Variants in ATP10A observed in about 807,000 individuals in gnomAD.
The protein encoded by ATP10A is phospholipid-transporting ATPase VA.
Under a neutral mutation model 147.8 loss-of-function variants are expected in ATP10A, and 111 were observed. The ratio of observed to expected loss-of-function variants is 0.75; its 90% CI spans 0.64 to 0.88. The LOEUF (loss-of-function observed/expected upper bound fraction) is 0.88, where lower values mean the gene tolerates loss of function less well. ATP10A is among the 40% of genes least tolerant of loss of function. The probability of loss-of-function intolerance (pLI) is 0.00; values close to 1 mark genes in which losing one functional copy is unlikely to be tolerated. For missense variants in ATP10A, 1,927 were observed against 1,959.0 expected (o/e 0.98, Z 0.31); for synonymous variants, 875 against 841.6 (o/e 1.04, Z -0.69).
intron 3 of ATP10A, among the ~76,000 whole-genome samples, chr15:25,733,710 C>T (rs1450672812): frequency 6.6e-6 from 1 of 152,184 alleles, no homozygotes; most frequent in Non-Finnish European, 1.5e-5. Context: ...GCTGGGCGCA[C>T]ACTGGCCCAG....
At chr15:25,778,126 C>G (rs1344785588) in intron 2 of ATP10A, among the ~76,000 whole-genome samples, 2 of 152,076 alleles carry the variant, frequency 1.3e-5, no homozygotes, top group Admixed American at 6.5e-5. Context: ...AATGACACAG[C>G]CCGCTCTTCT....
chr15:25,863,047 C>A lies in ATP10A; in HGVS notation c.50G>T (p.Arg17Leu), dbSNP rs932047799. 2.4e-6 allele frequency: 3 copies of A among 1,260,018 alleles called. No individual in the cohort carries two copies. The East Asian group carries it at 1.0e-4, about 42-fold the overall frequency. The allele number at this position is 1,260,018 out of a possible 1,614,324, so 78.1% of individuals were successfully genotyped here. A position where few individuals can be genotyped will look rare whatever the true frequency, so the allele number is the denominator to read the frequency against. ...GCGCGTCCTGCCCTCTCGGCGCCTC[C>A]GCCGTCCCGGAGGCCCGGGCTCCTC... ...GTEEPGPPGRRRRREGRTRTV... is the reference protein window; with the variant it reads ...GTEEPGPPGRLRRREGRTRTV... The change falls in exon 1 of 21, where the codon CGG becomes CTG. Residue 17 changes from arginine to leucine, a missense_variant. Physicochemically the swap from Arg to Leu is moderately radical, Grantham distance 102. Transcript: ENST00000555815.
At chr15:25,689,436 C>G (rs1467423610) in intron 15 of ATP10A, among the ~76,000 whole-genome samples, 2 of 152,196 alleles carry the variant, frequency 1.3e-5, no homozygotes, top group East Asian at 3.9e-4. Context: ...GTCTCCCCAC[C>G]TTGGCTGAGC....
intron 9 of ATP10A, among the ~76,000 whole-genome samples, chr15:25,715,333 C>T (rs751377276): frequency 1.6e-4 from 24 of 152,192 alleles, no homozygotes; most frequent in African/African-American, 3.1e-4. Flanking sequence ...TCGAAGGTGG[C>T]GCTCACCAAC....
chr15:25,849,758 A>T (rs1307358974), intron 1 of ATP10A, among the ~76,000 whole-genome samples: 1 of 152,180 alleles, frequency 6.6e-6, no homozygotes, highest in East Asian at 1.9e-4. Context: ...CATGCTCCCC[A>T]TGGATGTGAA....
intron 8 of ATP10A, among the ~76,000 whole-genome samples, chr15:25,717,384 G>A (rs902648473): frequency 2.0e-5 from 3 of 152,154 alleles, no homozygotes; most frequent in Admixed American, 1.3e-4. Context: ...ATTACACATT[G>A]ATAAACTTCC....
Position 25,704,481 on chromosome 15 carries a change from C to T in ATP10A, c.2576-2381G>A, listed in dbSNP as rs539426758. Among the ~76,000 whole-genome samples the T allele has an allele frequency of 3.9e-5, 6 of 152,298 alleles. No homozygotes were observed. The East Asian group carries it at 1.2e-3, about 29-fold the overall frequency. ...TGCCAAGAAAGAAAGCAGGGAAGGC[C>T]TTGCCGGAAACTCCAGTACGGAGGG... On this transcript the variant is annotated intron_variant, in intron 12 of 20. Transcript: ENST00000555815.
At chr15:25,838,863 A>C (rs1474783664) in intron 1 of ATP10A, among the ~76,000 whole-genome samples, 1 of 152,134 alleles carries the variant, frequency 6.6e-6, no homozygotes, top group African/African-American at 2.4e-5. Flanking sequence ...GTGTTTGCAG[A>C]AGCATTTCCT....
At chr15:25,749,353 G>A (rs1160057612) in intron 2 of ATP10A, among the ~76,000 whole-genome samples, 1 of 152,164 alleles carries the variant, frequency 6.6e-6, no homozygotes, top group Non-Finnish European at 1.5e-5. Flanking sequence ...GAAATAGAGG[G>A]AACTGTGTTC....
intron 3 of ATP10A, among the ~76,000 whole-genome samples, chr15:25,730,970 T>C (rs543044702): frequency 1.3e-5 from 2 of 152,314 alleles, no homozygotes; most frequent in African/African-American, 4.8e-5. Context: ...ATTTAATGCT[T>C]GGTCACTGGC....
At position 25,702,012 on chromosome 15, in the gene ATP10A, G is replaced by A; in HGVS notation, c.2664C>T (p.Leu888=). The A allele has an allele frequency of 6.2e-7, 1 of 1,614,196 alleles. No homozygotes were observed. Among genetic ancestry groups the A allele is most frequent in the Non-Finnish European group, 8.5e-7 (1 of 1,180,032 alleles). ...LRQAGLQIWV[L]TGDKQETAVN... is the part of the protein sequence containing the mutation. ...CAGCTGTTTCTTGTTTGTCACCAGT[G>A]AGAACCCAAATCTGCAGGCCCGCTT... Residue 888 remains leucine, a synonymous_variant, in exon 13 of 21, where the codon CTC becomes CTT. Coordinates refer to ENST00000555815, the MANE Select transcript of ATP10A (RefSeq NM_024490.4).
chr15:25,689,533 A>G (rs1488568009), intron 15 of ATP10A, among the ~76,000 whole-genome samples: 6 of 152,152 alleles, frequency 3.9e-5, no homozygotes, highest in Admixed American at 2.0e-4. Flanking sequence ...CCCACAGCTC[A>G]TCTCTCAAAG....
At chr15:25,674,506 G>A (rs757499831), downstream of ATP10A, among the ~76,000 whole-genome samples, 1 of 152,218 alleles carries the variant, frequency 6.6e-6, no homozygotes, top group Admixed American at 6.5e-5. Context: ...TGTGTCCCTG[G>A]CCAGGCCTCT....
chr15:25,797,382 G>A (rs1890720778), intron 1 of ATP10A, among the ~76,000 whole-genome samples: 1 of 152,206 alleles, frequency 6.6e-6, no homozygotes, highest in Non-Finnish European at 1.5e-5. Context: ...GGACAGGCTA[G>A]CCCCCTCAGA....
At chr15:25,688,732 A>T (rs1596686153) in intron 15 of ATP10A, among the ~76,000 whole-genome samples, 1 of 152,220 alleles carries the variant, frequency 6.6e-6, no homozygotes, top group African/African-American at 2.4e-5. Flanking sequence ...GTTATGCCTC[A>T]AGTGGTACGC....
intron 6 of ATP10A, among the ~76,000 whole-genome samples, chr15:25,723,175 C>A (rs760010502): frequency 5.9e-5 from 9 of 151,850 alleles, no homozygotes; most frequent in Non-Finnish European, 8.8e-5. Flanking sequence ...ATGGTGAAAC[C>A]CCATCTCTAC....
At chr15:25,687,246 G>T (rs1899739736) in intron 16 of ATP10A, among the ~76,000 whole-genome samples, 1 of 151,926 alleles carries the variant, frequency 6.6e-6, no homozygotes, top group Non-Finnish European at 1.5e-5. Flanking sequence ...CTACTCTAGA[G>T]AAAATGCTGA....
In ATP10A at chr15:25,701,961, C is replaced by T; in HGVS notation, c.2715G>A (p.Leu905=). 1 of 1,613,244 alleles carries T rather than the reference C, an allele frequency of 6.2e-7. No homozygotes were observed. The highest frequency in any genetic ancestry group is 8.5e-7 in the Non-Finnish European group (1 of 1,179,622). The change falls in exon 13 of 21, where the codon CTG becomes CTA. Residue 905 remains leucine (L), a synonymous_variant. Transcript: ENST00000555815. ...TGATGACCTCCTCGTCGTGGTCCAG[C>T]AGTTTGCAGGCATATGCAATGTTGA... ...TAVNIAYACK[L]LDHDEEVITL...
chr15:25,698,916 A>G (rs1226094092), intron 13 of ATP10A, among the ~76,000 whole-genome samples: 1 of 152,128 alleles, frequency 6.6e-6, no homozygotes, highest in African/African-American at 2.4e-5. Flanking sequence ...TATGCTGAAA[A>G]CTATAAAATG....
Sources: allele counts gnomAD v4.1 joint callset (sites outside exome capture counted in the v4.1 genomes callset), GRCh38; gene constraint gnomAD v4.1.1; transcripts MANE v1.5; gene names NCBI Gene and HGNC (gene_info 2026-07-23, HGNC 2026-07-21).